The following GAD2 variants were observed in gnomAD, a reference collection of about 807,000 sequenced individuals.
GAD2 encodes the protein glutamate decarboxylase 2.
Under a neutral mutation model 80.1 loss-of-function variants are expected in GAD2, and 22 were observed. That is an observed-to-expected ratio of 0.27 (90% CI 0.20 to 0.39). The LOEUF is 0.39. GAD2 is among the 10% of genes least tolerant of loss of function. GAD2 has a pLI of 1.00. For missense variants in GAD2, 624 were observed against 738.4 expected, an observed-to-expected ratio of 0.85 and a Z score of 1.80; for synonymous variants, 274 against 256.9, an observed-to-expected ratio of 1.07 and a Z score of -0.64.
At chr10:26,268,234 C>T (rs1589148745) in intron 8 of GAD2, among the ~76,000 whole-genome samples, 1 of 152,134 alleles carries the variant, frequency 6.6e-6, no homozygotes. Context: ...TTTGGGAGGC[C>T]GAGGCAGGCA....
chr10:26,218,911 G>A (rs1352703518), intron 3 of GAD2, 132 bp from the exon 4 acceptor site: 3 of 593,246 alleles, frequency 5.1e-6, no homozygotes, highest in Non-Finnish European at 8.1e-6. Context: ...AAAGAAAAAT[G>A]TTCTGCCTTT....
At chr10:26,236,755 C>G (rs1037299300) in intron 7 of GAD2, among the ~76,000 whole-genome samples, 2 of 152,188 alleles carry the variant, frequency 1.3e-5, no homozygotes, top group Non-Finnish European at 2.9e-5. Context: ...TTGCTCCCCC[C>G]TTAGTCGGAA....
At chr10:26,262,617 A>G (rs1032520055) in intron 8 of GAD2, among the ~76,000 whole-genome samples, 2 of 151,986 alleles carry the variant, frequency 1.3e-5, no homozygotes, top group Admixed American at 1.3e-4. Flanking sequence ...TTTTTGGATT[A>G]ATTAATTTAG....
upstream of GAD2, chr10:26,216,723 G>A (rs1477865100): frequency 5.2e-6 from 6 of 1,144,952 alleles, no homozygotes; most frequent in South Asian, 5.7e-5. The surrounding 1 kb of genome is among the most constrained non-coding windows in gnomAD (Gnocchi z 4.7). Flanking sequence ...CCCGCCACAC[G>A]GGCACGCACG....
upstream of GAD2, chr10:26,216,580 C>T (rs1844373283): frequency 2.5e-6 from 1 of 393,202 alleles, no homozygotes; most frequent in Non-Finnish European, 4.5e-6. This position sits in a 1 kb window ranked among gnomAD's most constrained non-coding sequence, Gnocchi z 4.7. Flanking sequence ...TCCCCGGCTT[C>T]CAAAGGGTTG....
At chr10:26,218,024 CT>C (rs1338591094) in intron 3 of GAD2, 33 bp downstream of exon 3, 1 of 1,563,448 alleles carries the variant, frequency 6.4e-7, no homozygotes, top group African/African-American at 1.4e-5. Flanking sequence ...CGGGGCGCCC[CT>C]GCCCCTCTCT....
intron 14 of GAD2, 28 bp from the exon 15 acceptor site, chr10:26,292,874 A>C: frequency 6.3e-7 from 1 of 1,596,388 alleles, no homozygotes; most frequent in Non-Finnish European, 8.6e-7. Context: ...GCCTGGGCCA[A>C]ATGTGAATCT....
intron 13 of GAD2, among the ~76,000 whole-genome samples, chr10:26,288,575 A>T (rs2132317450): frequency 6.6e-6 from 1 of 152,342 alleles, no homozygotes; most frequent in Non-Finnish European, 1.5e-5. Context: ...AGCAGCTTTA[A>T]AATGAGCAGG....
intron 7 of GAD2, among the ~76,000 whole-genome samples, chr10:26,232,984 T>A (rs1844624790): frequency 1.3e-5 from 2 of 152,226 alleles, no homozygotes; most frequent in African/African-American, 4.8e-5. Context: ...CATTGCCTTA[T>A]CATTTTTGAC....
At chr10:26,245,168 AAG>A (rs1844789994) in intron 7 of GAD2, among the ~76,000 whole-genome samples, 1 of 144,082 alleles carries the variant, frequency 6.9e-6, no homozygotes, top group African/African-American at 2.7e-5. Context: ...AAAAAAAAAA[AAG>A]AAAAAAGAAA....
intron 7 of GAD2, among the ~76,000 whole-genome samples, chr10:26,236,490 G>A (rs150812502): frequency 0.015 from 2,224 of 151,988 alleles, 57 homozygotes; most frequent in African/African-American, 0.048. Flanking sequence ...TAGTAGAGAC[G>A]GGGTTTCACC....
At chr10:26,240,614 C>T (rs1050869086) in intron 7 of GAD2, among the ~76,000 whole-genome samples, 2 of 151,946 alleles carry the variant, frequency 1.3e-5, no homozygotes, top group African/African-American at 2.4e-5. Context: ...TACCTGTAAT[C>T]CCAGCTACTC....
intron 5 of GAD2, 147 bp from the exon 6 acceptor site, chr10:26,224,392 G>T: frequency 1.5e-6 from 1 of 662,052 alleles, no homozygotes; most frequent in Non-Finnish European, 2.6e-6. Context: ...AGGCCTTTTT[G>T]AAATAATTTT....
rs1166999159 is a variant in GAD2 at position 26,300,942 on chromosome 10, G to A, written c.1739G>A (p.Arg580His). ...DIDFLIEEIE[R>H]LGQDL The stretch of plus-strand genomic sequence containing the variant: ...GACTTCCTGATTGAAGAAATAGAAC[G>A]CCTTGGACAAGATTTATAATAACCT... The change falls in exon 16 of 16, where the codon CGC (arginine) becomes CAC (histidine). Residue 580 changes from arginine (R) to histidine (H), a missense_variant. Physicochemically the swap from Arg to His is conservative, Grantham distance 29 (BLOSUM62 0). Coordinates refer to ENST00000376261, the MANE Select transcript of GAD2 (RefSeq NM_001134366.2). The A allele has an allele frequency of 3.7e-6, 6 of 1,613,446 alleles. No homozygotes were observed. Among genetic ancestry groups the A allele is most frequent in the South Asian group, 3.3e-5 (3 of 91,024 alleles).
chr10:26,284,844 C>T (rs1041424793), intron 12 of GAD2, among the ~76,000 whole-genome samples: 2 of 152,160 alleles, frequency 1.3e-5, no homozygotes, highest in Non-Finnish European at 2.9e-5. Context: ...GCTGGGATTA[C>T]AGGCATGAGC....
chr10:26,291,389 A>C (rs1444939377), intron 13 of GAD2, among the ~76,000 whole-genome samples: 1 of 152,208 alleles, frequency 6.6e-6, no homozygotes, highest in African/African-American at 2.4e-5. Flanking sequence ...TCAGGAACCC[A>C]TCAGCCTCCT....
chr10:26,216,638 C>G (rs967394655), upstream of GAD2: 4 of 487,322 alleles, frequency 8.2e-6, no homozygotes, highest in Admixed American at 4.5e-5. This position sits in a 1 kb window ranked among gnomAD's most constrained non-coding sequence, Gnocchi z 4.7. Context: ...CACGCACAGA[C>G]ACGCACGTTT....
intron 8 of GAD2, among the ~76,000 whole-genome samples, chr10:26,261,491 G>A (rs1284781734): frequency 1.3e-5 from 2 of 152,128 alleles, no homozygotes; most frequent in Non-Finnish European, 1.5e-5. Context: ...CGTTAAATGT[G>A]TGATAGAACT....
intron 8 of GAD2, among the ~76,000 whole-genome samples, chr10:26,254,681 AG>A (rs562913012): frequency 1.0e-3 from 160 of 152,386 alleles, no homozygotes; most frequent in African/African-American, 3.8e-3. Flanking sequence ...GGTTTTGAGC[AG>A]GGGAACAACA....
Sources: gnomAD v4.1 joint callset for allele counts (sites outside exome capture counted in the v4.1 genomes callset) on GRCh38, gnomAD v4.1.1 for gene constraint, Gnocchi (gnomAD v3.1) non-coding constraint, MANE v1.5 for transcripts, NCBI Gene and HGNC (gene_info 2026-07-23, HGNC 2026-07-21) for gene names.